DLGAP2: variants seen among roughly 807,000 people sequenced by gnomAD.
DLGAP2 encodes the protein disks large-associated protein 2.
In DLGAP2, 26 loss-of-function variants were observed where a neutral mutation model predicts 100.3. The observed-to-expected ratio is 0.26, with a 90% CI of 0.19 to 0.36. The LOEUF (loss-of-function observed/expected upper bound fraction) is 0.36. Ranked by LOEUF, DLGAP2 falls within the 10% of genes least tolerant of loss-of-function variation. The pLI is 1.00. For missense variants in DLGAP2, 1,858 were observed against 1,453.2 expected (o/e 1.28, Z -4.53); for synonymous variants, 886 against 630.1 (o/e 1.41, Z -6.08).
rs77143084 is a variant in DLGAP2, at chr8:1,496,717, G to T, written c.107-4649G>T. Among the ~76,000 whole-genome samples, 1,064 of 152,272 alleles carry T rather than the reference G, an allele frequency of 7.0e-3. 11 individuals carry two copies. Among genetic ancestry groups the T allele is most frequent in the African/African-American group, 0.024 (994 of 41,546 alleles). On this transcript the variant is annotated intron_variant, in intron 3 of 14. Coordinates refer to ENST00000637795, the MANE Select transcript of DLGAP2 (RefSeq NM_001346810.2). ...TCTCTGAAGCTCAAGGGTGATCAGA[G>T]ATGTTAGAAAGTGCGCCTGTGTTGT... is the stretch of plus-strand genomic sequence containing the variant.
At chr8:890,382 T>C (rs1188122899) in intron 1 of DLGAP2, among the ~76,000 whole-genome samples, 1 of 152,156 alleles carries the variant, frequency 6.6e-6, no homozygotes. Context: ...ATTCTTTGAC[T>C]TCCTTGACCA....
chr8:1,655,256 G>T (rs1365965073), intron 8 of DLGAP2, among the ~76,000 whole-genome samples: 1 of 152,174 alleles, frequency 6.6e-6, no homozygotes, highest in Non-Finnish European at 1.5e-5. Flanking sequence ...ATTAATTAAA[G>T]TGTCAAAATG....
intron 1 of DLGAP2, among the ~76,000 whole-genome samples, chr8:768,414 G>A (rs895909486): frequency 2.1e-5 from 3 of 140,438 alleles, no homozygotes; most frequent in Non-Finnish European, 4.6e-5. Flanking sequence ...GAGGGAAGGC[G>A]TTGATTTTTT....
At chr8:1,355,922 A>T (rs541846756) in intron 3 of DLGAP2, among the ~76,000 whole-genome samples, 1 of 152,254 alleles carries the variant, frequency 6.6e-6, no homozygotes, top group African/African-American at 2.4e-5. Flanking sequence ...AGCACATTCC[A>T]TGCACAGGCA....
chr8:1,055,518 C>T lies in DLGAP2; in HGVS notation c.73+147552C>T, dbSNP rs531045824. Among the ~76,000 whole-genome samples, 4 of 152,274 alleles carry T rather than the reference C, an allele frequency of 2.6e-5. No individual in the cohort carries two copies. In the South Asian group the frequency reaches 6.2e-4, roughly 24 times the overall value. On this transcript the variant is annotated intron_variant, in intron 2 of 14. Coordinates refer to ENST00000637795, the MANE Select transcript of DLGAP2 (RefSeq NM_001346810.2). ...TTCTACTTAAAGTCTGTTGTTATCA[C>T]TTATAAGAGATTTTACATGTGGACT...
chr8:1,125,948 G>A lies in DLGAP2; in HGVS notation c.74-132903G>A, dbSNP rs1451880. ...GGCATTGGCATTGAGAATCCCTGGC[G>A]CCCCATCCGCCCTTTCCTGTAAATA... On this transcript the variant is annotated intron_variant, in intron 2 of 14. Transcript: ENST00000637795. 2.1e-3 allele frequency among the ~76,000 whole-genome samples: 317 copies of A among 152,324 alleles called. 1 individual carries two copies. Among genetic ancestry groups the A allele is most frequent in the African/African-American group, 6.3e-3 (262 of 41,584 alleles).
intron 6 of DLGAP2, among the ~76,000 whole-genome samples, chr8:1,582,687 T>G (rs975898865): frequency 6.6e-6 from 1 of 152,156 alleles, no homozygotes; most frequent in Non-Finnish European, 1.5e-5. Flanking sequence ...TCTCCTGGGT[T>G]CAAACGATTC....
intron 3 of DLGAP2, among the ~76,000 whole-genome samples, chr8:1,341,388 A>C (rs1325268696): frequency 6.6e-6 from 1 of 152,190 alleles, no homozygotes; most frequent in African/African-American, 2.4e-5. Context: ...ATTTTATTAG[A>C]TCTTACCCAG....
chr8:1,268,797 T>G (rs544758898), intron 3 of DLGAP2, among the ~76,000 whole-genome samples: 3 of 152,250 alleles, frequency 2.0e-5, no homozygotes. Flanking sequence ...CACTGGGAAA[T>G]GTCAGCATTG....
chr8:1,645,735 T>C (rs1798025387), intron 8 of DLGAP2, among the ~76,000 whole-genome samples: 1 of 152,208 alleles, frequency 6.6e-6, no homozygotes, highest in Non-Finnish European at 1.5e-5. Flanking sequence ...TTTTCTTCCT[T>C]TGCTTCATGG....
At chr8:1,632,793 GC>G (rs1563269443) in intron 7 of DLGAP2, 33 bp from the exon 8 acceptor site, 1 of 1,562,792 alleles carries the variant, frequency 6.4e-7, no homozygotes, top group Admixed American at 1.8e-5. Flanking sequence ...ACCCTGGAGG[GC>G]CGGGGCATCA....
intron 2 of DLGAP2, among the ~76,000 whole-genome samples, chr8:973,221 C>G (rs190319008): frequency 0.012 from 1,835 of 151,444 alleles, 44 homozygotes; most frequent in African/African-American, 0.042. Context: ...CACCTCCCTC[C>G]CAGACGGGGC....
intron 3 of DLGAP2, among the ~76,000 whole-genome samples, chr8:1,489,942 A>C (rs373920688): frequency 6.6e-6 from 1 of 152,092 alleles, no homozygotes; most frequent in South Asian, 2.1e-4. Context: ...CCCAGGCTGG[A>C]GTGCAGTGGC....
intron 2 of DLGAP2, among the ~76,000 whole-genome samples, chr8:916,742 C>G (rs1358545151): frequency 6.6e-6 from 1 of 152,222 alleles, no homozygotes; most frequent in Non-Finnish European, 1.5e-5. Context: ...CCCAAGTCAC[C>G]CACTTGTTGT....
intron 2 of DLGAP2, among the ~76,000 whole-genome samples, chr8:942,157 C>G (rs1799212542): frequency 6.6e-6 from 1 of 152,178 alleles, no homozygotes; most frequent in African/African-American, 2.4e-5. Context: ...ACTGTTTGCT[C>G]AGGATGGTCC....
At chr8:854,633 CTT>C (rs755180292) in intron 1 of DLGAP2, among the ~76,000 whole-genome samples, 15 of 149,234 alleles carry the variant, frequency 1.0e-4, no homozygotes, top group Admixed American at 2.0e-4. Context: ...ATGTACGTGT[CTT>C]TTTGTGTGTG....
Position 759,257 on chromosome 8 carries a change from GTCAATACCCCCCACAGCCTCCCCATTA to G in DLGAP2, c.18+21467_18+21493del, listed in dbSNP as rs1266455563. Among the ~76,000 whole-genome samples the G allele has an allele frequency of 9.0e-4, 63 of 69,858 alleles. 1 individual carries two copies. Among genetic ancestry groups the G allele is most frequent in the Admixed American group, 3.1e-3 (17 of 5,500 alleles). 45.8% of individuals were successfully genotyped at this position (69,858 alleles called of 152,430 possible). A position where few individuals can be genotyped will look rare whatever the true frequency, so the allele number is the denominator to read the frequency against. ...CAATACCCGCAACAGCCTCCCTGTT[GTCAATACCCCCCACAGCCTCCCCATTA>G]TCAATACCCCCCACAGCCTCCCCAT... On this transcript the variant is annotated intron_variant, in intron 1 of 14. Coordinates refer to ENST00000637795, the MANE Select transcript of DLGAP2 (RefSeq NM_001346810.2).
intron 3 of DLGAP2, among the ~76,000 whole-genome samples, chr8:1,343,497 A>C (rs1801466878): frequency 6.6e-6 from 1 of 152,174 alleles, no homozygotes; most frequent in Admixed American, 6.5e-5. Context: ...CTGGCACCAC[A>C]TGGCCCAGGG....
At chr8:1,639,622 G>C (rs1431541459) in intron 8 of DLGAP2, among the ~76,000 whole-genome samples, 1 of 133,202 alleles carries the variant, frequency 7.5e-6, no homozygotes, top group Non-Finnish European at 1.6e-5. Context: ...TGTAAAAATG[G>C]TCACAAGCCC....
Sources: allele counts gnomAD v4.1 joint callset (sites outside exome capture counted in the v4.1 genomes callset), GRCh38; gene constraint gnomAD v4.1.1; transcripts MANE v1.5; gene names NCBI Gene and HGNC (gene_info 2026-07-23, HGNC 2026-07-21).